Variants in OR6P1 observed in about 807,000 individuals in gnomAD.
The protein encoded by OR6P1 is olfactory receptor 6P1.
OR6P1 carries 5 observed loss-of-function variants against 6.6 expected under a neutral mutation model. The ratio of observed to expected loss-of-function variants is 0.76; its 90% confidence interval spans 0.40 to 1.60. The LOEUF (loss-of-function observed/expected upper bound fraction) is 1.60, where lower values mean the gene tolerates loss of function less well. Ranked by LOEUF, OR6P1 falls within the 40% of genes most tolerant of loss-of-function variation. The pLI, the probability that OR6P1 is intolerant of heterozygous loss-of-function variation, is 0.02. For synonymous variants in OR6P1, 177 were observed against 149.6 expected, an observed-to-expected ratio of 1.18 and a Z score of -1.33; for missense variants, 451 against 383.0, an observed-to-expected ratio of 1.18 and a Z score of -1.48.
chr1:158,563,674 C>A, intron 2 of OR6P1, 48 bp from the exon 3 acceptor site: 1 of 933,908 alleles, frequency 1.1e-6, no homozygotes, highest in Non-Finnish European at 1.6e-6. Flanking sequence ...ATAGCTGCAA[C>A]AAACCACCAA....
chr1:158,568,911 T>G (rs1052530820), intron 1 of OR6P1, among the ~76,000 whole-genome samples: 1 of 152,320 alleles, frequency 6.6e-6, no homozygotes, highest in Admixed American at 6.5e-5. Flanking sequence ...GAGATCTCAC[T>G]CATTGCTCTA....
chr1:158,565,059 A>G (rs1283333891), intron 2 of OR6P1, among the ~76,000 whole-genome samples: 5 of 152,104 alleles, frequency 3.3e-5, no homozygotes, highest in African/African-American at 1.2e-4. Context: ...TTGACATCAA[A>G]TTTTTTATTT....
At position 158,562,696 on chromosome 1, in the gene OR6P1, C is replaced by T; in HGVS notation, c.909G>A (p.Lys303=). Residue 303 remains lysine, a synonymous_variant, in exon 3 of 3, where the codon AAG becomes AAA. Transcript: ENST00000641540. ...GATAGTGACATCTGCCCATCACTGT[C>T]TTCCTGAAGGCCTCCTTCACCTCCT... The part of the protein sequence containing the change: ...RNKEVKEAFR[K]TVMGRCHYPR... 6.4e-7 allele frequency: 1 copy of T among 1,559,496 alleles called. No homozygotes were observed. The highest frequency in any genetic ancestry group is 1.9e-5 in the Admixed American group (1 of 51,908).
At chr1:158,564,117 A>G (rs1648038726) in intron 2 of OR6P1, among the ~76,000 whole-genome samples, 1 of 152,242 alleles carries the variant, frequency 6.6e-6, no homozygotes, top group South Asian at 2.1e-4. Context: ...GGCAGTATGA[A>G]GATTGCTCTG....
intron 2 of OR6P1, 39 bp from the exon 3 acceptor site, chr1:158,563,665 T>A (rs1331287948): frequency 9.3e-7 from 1 of 1,073,382 alleles, no homozygotes; most frequent in East Asian, 2.6e-5. Flanking sequence ...GTTTGAAAGA[T>A]AGCTGCAACA....
rs1232816088 is a variant in OR6P1, at chr1:158,562,798, G to C, written c.807C>G (p.Asn269Lys). The C allele has an allele frequency of 1.3e-6, 2 of 1,552,146 alleles. No individual in the cohort carries two copies. The highest frequency in any genetic ancestry group is 1.7e-6 in the Non-Finnish European group (2 of 1,147,266). Residue 269 changes from asparagine to lysine, a missense_variant, in exon 3 of 3, where the codon AAC becomes AAG. By Grantham distance (94) the Asn-to-Lys change is moderately conservative. Transcript: ENST00000641540. ...YARPRAMYTFNHNKIISVLYT... is the reference protein window; with the variant it reads ...YARPRAMYTFKHNKIISVLYT... ...AGAGCACAGAGATAATCTTGTTGTG[G>C]TTGAAGGTGTACATGGCCCGGGGCC... is the stretch of plus-strand genomic sequence containing the variant.
rs565895523 is a variant in OR6P1 at position 158,569,288 on chromosome 1, A to T, written c.-118+1154T>A. Among the ~76,000 whole-genome samples, 18 of 152,308 alleles carry T rather than the reference A, an allele frequency of 1.2e-4. 1 individual carries two copies. The highest frequency in any genetic ancestry group is 4.1e-4 in the African/African-American group (17 of 41,572). On this transcript the variant is annotated intron_variant, in intron 1 of 2. Transcript: ENST00000641540. ...CCAAATTAGCTATTCACACCAGCAC[A>T]TTTGCCTGGATTCCTGTTTAACCTC...
chr1:158,563,036 GAGC>G lies in OR6P1; in HGVS notation c.566_568del (p.Cys189del). On this transcript the variant is annotated inframe_deletion, in exon 3 of 3. Coordinates refer to ENST00000641540, the MANE Select transcript of OR6P1 (RefSeq NM_001160325.2). ...TACTAGCTCTGCTTGCTCCTTGTCA[GAGC>G]AGGTGAGGTTGAGTAGTGGGGAAAT... The G allele has an allele frequency of 6.4e-7, 1 of 1,551,762 alleles. No individual in the cohort carries two copies. Among genetic ancestry groups the G allele is most frequent in the Non-Finnish European group, 8.7e-7 (1 of 1,147,010 alleles).
chr1:158,564,540 G>A (rs925877189), intron 2 of OR6P1, among the ~76,000 whole-genome samples: 20 of 152,066 alleles, frequency 1.3e-4, no homozygotes, highest in African/African-American at 4.6e-4. Flanking sequence ...TAAGGATGCT[G>A]GCCTTGGAGA....
rs550283029 is a variant in OR6P1, at chr1:158,570,321, G to C, written c.-118+121C>G. On this transcript the variant is annotated intron_variant, in intron 1 of 2. Transcript: ENST00000641540. ...ACAGGGTACTCACTCTGAGATGTTC[G>C]AATGATTAAGCTTTTTCAAATTTTA... 1.1e-4 allele frequency: 17 copies of C among 152,286 alleles called. No homozygotes were observed. In the South Asian group the frequency reaches 3.1e-3, roughly 28 times the overall value. 9.4% of individuals were successfully genotyped at this position (152,286 alleles called of 1,614,324 possible). A position where few individuals can be genotyped will look rare whatever the true frequency, so the allele number is the denominator to read the frequency against.
chr1:158,564,593 C>T (rs1244246397), intron 2 of OR6P1, among the ~76,000 whole-genome samples: 1 of 152,052 alleles, frequency 6.6e-6, no homozygotes, highest in Admixed American at 6.5e-5. Context: ...GAATGAATGC[C>T]CACAGCCATC....
chr1:158,566,706 A>C (rs1345862987), intron 2 of OR6P1, 58 bp downstream of exon 2: 1 of 152,200 alleles, frequency 6.6e-6, no homozygotes, highest in Non-Finnish European at 1.5e-5. Flanking sequence ...AACTAAAGGA[A>C]AACTAGGGTT....
intron 2 of OR6P1, among the ~76,000 whole-genome samples, chr1:158,564,149 G>A (rs904239706): frequency 5.3e-5 from 8 of 152,172 alleles, no homozygotes; most frequent in African/African-American, 1.9e-4. Flanking sequence ...TTTCCAAATA[G>A]AGAGACAATT....
rs778066893 is a variant in OR6P1, at chr1:158,563,083, G to A, written c.522C>T (p.Ile174=). 1.6e-5 allele frequency: 25 copies of A among 1,551,752 alleles called. No homozygotes were observed. The highest frequency in any genetic ancestry group is 2.2e-5 in the Non-Finnish European group (25 of 1,147,070). Reference sequence around the variant, plus strand: ...GGGAAATATCACAGAAAAAGTGGTTGATAATGTTGGGTCCACAGTAGGACA... The same window carrying A: ...GGGAAATATCACAGAAAAAGTGGTTAATAATGTTGGGTCCACAGTAGGACA... ...SQLSYCGPNI[I]NHFFCDISPL... Residue 174 remains isoleucine (I), a synonymous_variant, in exon 3 of 3, where the codon ATC becomes ATT. Transcript: ENST00000641540.
At position 158,562,969 on chromosome 1, in the gene OR6P1, C is replaced by A. The variant is rs1361485949; in HGVS notation, c.636G>T (p.Leu212Phe). The part of the protein sequence containing the change: ...LALVMILLPL[L>F]AVVSSYTAII... The stretch of plus-strand genomic sequence containing the variant: ...TGGCAGTGTATGATGAAACCACAGC[C>A]AATAGAGGGAGTAGAATCATCACCA... Residue 212 changes from leucine to phenylalanine, a missense_variant, in exon 3 of 3, where the codon TTG becomes TTT. Leu to Phe is a conservative substitution (Grantham distance 22). Coordinates refer to ENST00000641540, the MANE Select transcript of OR6P1 (RefSeq NM_001160325.2). The A allele has an allele frequency of 7.1e-6, 11 of 1,551,670 alleles. No homozygotes were observed. The highest frequency in any genetic ancestry group is 1.4e-5 in the African/African-American group (1 of 73,126).
chr1:158,561,603 G>T lies in OR6P1; in HGVS notation c.*1048C>A, dbSNP rs1230368596. On this transcript the variant is annotated 3_prime_UTR_variant, in exon 3 of 3. Coordinates refer to ENST00000641540, the MANE Select transcript of OR6P1 (RefSeq NM_001160325.2). ...ATCATTGAATTTGGTTCAATATGCA[G>T]AAATTTGTGTAAATGAGCCTAGATT... 6.6e-6 allele frequency: 1 copy of T among 152,138 alleles called. No homozygotes were observed. Among genetic ancestry groups the T allele is most frequent in the Admixed American group, 6.5e-5 (1 of 15,268 alleles). 9.4% of individuals were successfully genotyped at this position (152,138 alleles called of 1,614,324 possible).
rs1038192577 is a variant in OR6P1 at position 158,562,814 on chromosome 1, G to C, written c.791C>G (p.Ala264Gly). Residue 264 changes from alanine (A) to glycine (G), a missense_variant, in exon 3 of 3, where the codon GCC (alanine) becomes GGC (glycine). Transcript: ENST00000641540. ...STLFTYARPR[A>G]MYTFNHNKII... The stretch of plus-strand genomic sequence containing the variant: ...CTTGTTGTGGTTGAAGGTGTACATG[G>C]CCCGGGGCCGTGCATAGGTGAAGAG... The C allele has an allele frequency of 1.3e-6, 2 of 1,552,026 alleles. No homozygotes were observed. Among genetic ancestry groups the C allele is most frequent in the Non-Finnish European group, 1.7e-6 (2 of 1,147,148 alleles).
At chr1:158,563,744 T>C in intron 2 of OR6P1, 118 bp from the exon 3 acceptor site, 1 of 594,118 alleles carries the variant, frequency 1.7e-6, no homozygotes. Context: ...ATTATAACAT[T>C]TTTCCTCTTC....
rs757566577 is a variant in OR6P1 at position 158,560,711 on chromosome 1, C to T, written c.*1940G>A. 7 of 152,134 alleles carry T rather than the reference C, an allele frequency of 4.6e-5. No homozygotes were observed. The highest frequency in any genetic ancestry group is 1.5e-5 in the Non-Finnish European group (1 of 68,002). The allele number at this position is 152,134 out of a possible 1,614,324, so 9.4% of individuals were successfully genotyped here. ...AGGTAGGTGGACATAAGATTTTCAT[C>T]AAGGGGTGCAGAGTCCACCTTAACT... On this transcript the variant is annotated 3_prime_UTR_variant, in exon 3 of 3. Coordinates refer to ENST00000641540, the MANE Select transcript of OR6P1 (RefSeq NM_001160325.2).
Sources: gnomAD v4.1 joint callset for allele counts (sites outside exome capture counted in the v4.1 genomes callset) on GRCh38, gnomAD v4.1.1 for gene constraint, MANE v1.5 for transcripts, NCBI Gene and HGNC (gene_info 2026-07-23, HGNC 2026-07-21) for gene names.